HMOX1: variants seen among roughly 807,000 people sequenced by gnomAD.
The protein encoded by HMOX1 is heme oxygenase 1.
In HMOX1, 22 loss-of-function variants were observed where a neutral mutation model predicts 27.8. That is an observed-to-expected ratio of 0.79 (90% CI 0.57 to 1.13). The LOEUF is 1.13. HMOX1 is among the 50% of genes most tolerant of loss of function. The probability of loss-of-function intolerance (pLI) is 0.00; values close to 1 mark genes in which losing one functional copy is unlikely to be tolerated. For missense variants in HMOX1, 379 were observed against 377.7 expected, an observed-to-expected ratio of 1.00 and a Z score of -0.03; for synonymous variants, 153 against 151.6, an observed-to-expected ratio of 1.01 and a Z score of -0.07.
chr22:35,383,309 G>A, intron 2 of HMOX1, 83 bp downstream of exon 2: 34 of 1,453,390 alleles, frequency 2.3e-5, no homozygotes, highest in Non-Finnish European at 3.2e-5. Context: ...GGTTTAAGTG[G>A]GGATGCTGAG....
intron 2 of HMOX1, among the ~76,000 whole-genome samples, chr22:35,385,314 C>T (rs1437452041): frequency 1.3e-5 from 2 of 152,160 alleles, no homozygotes; most frequent in Non-Finnish European, 2.9e-5. Context: ...GGGTCCCTGG[C>T]AATGCCCGGT....
intron 3 of HMOX1, among the ~76,000 whole-genome samples, chr22:35,389,309 TTCTTTCTTTC>T: frequency 7.7e-6 from 1 of 130,292 alleles, no homozygotes; most frequent in African/African-American, 3.8e-5. Context: ...CTTTCTTTCT[TTCTTTCTTTC>T]TTCTTTCTTT....
chr22:35,382,031 A>G (rs1288729943), intron 1 of HMOX1, among the ~76,000 whole-genome samples: 1 of 152,346 alleles, frequency 6.6e-6, no homozygotes, highest in East Asian at 1.9e-4. Context: ...CGCCTTCATG[A>G]TGAGCATAAC....
In HMOX1 at chr22:35,386,978, G is replaced by A; in HGVS notation, c.438G>A (p.Val146=). The change falls in exon 3 of 5, where the codon GTG becomes GTA. Residue 146 remains valine (V), a synonymous_variant. Transcript: ENST00000216117. The stretch of plus-strand genomic sequence containing the variant: ...TGGGTGACCTGTCTGGGGGCCAGGT[G>A]CTCAAAAAGATTGCCCAGAAAGCCC... ...RYLGDLSGGQ[V]LKKIAQKALD... is the part of the protein sequence containing the mutation. 6.2e-7 allele frequency: 1 copy of A among 1,614,014 alleles called. No individual in the cohort carries two copies. Among genetic ancestry groups the A allele is most frequent in the Non-Finnish European group, 8.5e-7 (1 of 1,180,036 alleles).
intron 3 of HMOX1, among the ~76,000 whole-genome samples, chr22:35,387,614 G>A (rs1194964411): frequency 6.6e-6 from 1 of 152,240 alleles, no homozygotes; most frequent in East Asian, 1.9e-4. Flanking sequence ...CTGCCTTCCA[G>A]GGACTCTCAG....
rs369019087 is a variant in HMOX1 at position 35,386,773 on chromosome 22, A to T, written c.233A>T (p.Tyr78Phe). 3 of 1,614,056 alleles carry T rather than the reference A, an allele frequency of 1.9e-6. No homozygotes were observed. The African/African-American group carries it at 4.0e-5, about 22-fold the overall frequency. Reference protein sequence around the residue: ...NKESPVFAPVYFPEELHRKAA... With the variant: ...NKESPVFAPVFFPEELHRKAA... ...GAGAGCCCAGTCTTCGCCCCTGTCTACTTCCCAGAAGAGCTGCACCGCAAG... is the reference window on the plus strand; with the variant it reads ...GAGAGCCCAGTCTTCGCCCCTGTCTTCTTCCCAGAAGAGCTGCACCGCAAG... The change falls in exon 3 of 5, where the codon TAC becomes TTC. Residue 78 changes from tyrosine to phenylalanine, a missense_variant. Transcript: ENST00000216117.
Position 35,386,910 on chromosome 22 carries a change from A to C in HMOX1, c.370A>C (p.Thr124Pro), listed in dbSNP as rs200456582. 1.5e-4 allele frequency: 238 copies of C among 1,613,888 alleles called. No individual in the cohort carries two copies. Among genetic ancestry groups the C allele is most frequent in the Non-Finnish European group, 2.0e-4 (233 of 1,179,994 alleles). Residue 124 changes from threonine to proline, a missense_variant, in exon 3 of 5, where the codon ACA (threonine) becomes CCA (proline). By Grantham distance (38) the Thr-to-Pro change is conservative. Transcript: ENST00000216117. ...YVKRLHEVGR[T>P]EPELLVAHAY... ...GAAGCGGCTCCACGAGGTGGGGCGC[A>C]CAGAGCCCGAGCTGCTGGTGGCCCA...
At chr22:35,391,076 T>C (rs1931705771) in intron 4 of HMOX1, among the ~76,000 whole-genome samples, 1 of 152,132 alleles carries the variant, frequency 6.6e-6, no homozygotes, top group Non-Finnish European at 1.5e-5. Context: ...CCTACCTGGC[T>C]TGTGGCTTTC....
chr22:35,389,395 C>CCTTCCTTCCTTCCTTTCTTTCTTT (rs1555901604), intron 3 of HMOX1, among the ~76,000 whole-genome samples: 6 of 51,810 alleles, frequency 1.2e-4, no homozygotes, highest in Non-Finnish European at 1.4e-4. Flanking sequence ...TTCCTTCCTT[C>CCTTCCTTCCTTCCTTTCTTTCTTT]CTTTCTTTCT....
At position 35,393,481 on chromosome 22, in the gene HMOX1, G is replaced by A. The variant is rs1330206237; in HGVS notation, c.750G>A (p.Val250=). ...TTTCTCTTTCAGATTCTGCCCCCGT[G>A]GAGACTCCCAGAGGGAAGCCCCCAC... ...ASNKVQDSAP[V]ETPRGKPPLN... The change falls in exon 5 of 5, where the codon GTG becomes GTA. Residue 250 remains valine (V), a synonymous_variant. Coordinates refer to ENST00000216117, the MANE Select transcript of HMOX1 (RefSeq NM_002133.3). 1 of 1,614,032 alleles carries A rather than the reference G, an allele frequency of 6.2e-7. No individual in the cohort carries two copies. The highest frequency in any genetic ancestry group is 8.5e-7 in the Non-Finnish European group (1 of 1,180,018).
rs764232156 is a variant in HMOX1 at position 35,389,215 on chromosome 22, C to CTCTTTCTT, written c.637-631_637-624dup. Among the ~76,000 whole-genome samples, 622 of 112,244 alleles carry CTCTTTCTT rather than the reference C, an allele frequency of 5.5e-3. 53 individuals carry two copies. Among genetic ancestry groups the CTCTTTCTT allele is most frequent in the African/African-American group, 0.013 (262 of 19,578 alleles). The allele number at this position is 112,244 out of a possible 152,430, so 73.6% of individuals were successfully genotyped here. ...TTTCTTTCTTTCTTTCTTTCTTTCT[C>CTCTTTCTT]TCTTTCTTTCTTTCTTTCTTTCTTT... On this transcript the variant is annotated intron_variant, in intron 3 of 4. Coordinates refer to ENST00000216117, the MANE Select transcript of HMOX1 (RefSeq NM_002133.3).
At chr22:35,385,997 C>T (rs941415285) in intron 2 of HMOX1, among the ~76,000 whole-genome samples, 1 of 151,276 alleles carries the variant, frequency 6.6e-6, no homozygotes. Context: ...GCTGTGTTGC[C>T]CAGGCTGGAG....
At position 35,393,714 on chromosome 22, in the gene HMOX1, C is replaced by A; in HGVS notation, c.*116C>A. The A allele has an allele frequency of 8.3e-7, 1 of 1,197,678 alleles. No individual in the cohort carries two copies. Among genetic ancestry groups the A allele is most frequent in the Non-Finnish European group, 1.2e-6 (1 of 807,338 alleles). The allele number at this position is 1,197,678 out of a possible 1,614,324, so 74.2% of individuals were successfully genotyped here. A position where few individuals can be genotyped will look rare whatever the true frequency, so the allele number is the denominator to read the frequency against. On this transcript the variant is annotated 3_prime_UTR_variant, in exon 5 of 5. Coordinates refer to ENST00000216117, the MANE Select transcript of HMOX1 (RefSeq NM_002133.3). ...CGTGGGCACTGAAGGCTTTCAGGGC[C>A]TCCAGCCCTCTCACTGTGTCCCTCT...
rs1469075709 is a variant in HMOX1, at chr22:35,390,002, A to C, written c.736+39A>C. ...GGAAGGGGCACTTCCTCTGGGCTACACATGGAGGGACTTGGCTGTCTGACT... is the reference window on the plus strand; with the variant it reads ...GGAAGGGGCACTTCCTCTGGGCTACCCATGGAGGGACTTGGCTGTCTGACT... On this transcript the variant is annotated intron_variant, in intron 4 of 4. Coordinates refer to ENST00000216117, the MANE Select transcript of HMOX1 (RefSeq NM_002133.3). 2.3e-6 allele frequency: 3 copies of C among 1,329,126 alleles called. No individual in the cohort carries two copies. In the African/African-American group the frequency reaches 4.3e-5, roughly 19 times the overall value. The allele number at this position is 1,329,126 out of a possible 1,614,324, so 82.3% of individuals were successfully genotyped here.
intron 2 of HMOX1, among the ~76,000 whole-genome samples, chr22:35,385,767 C>T (rs897319108): frequency 6.6e-6 from 1 of 151,666 alleles, no homozygotes; most frequent in Non-Finnish European, 1.5e-5. Context: ...AGGTGCCTGC[C>T]ACCATGCCTG....
At chr22:35,393,095 T>C (rs1931762800) in intron 4 of HMOX1, among the ~76,000 whole-genome samples, 1 of 152,184 alleles carries the variant, frequency 6.6e-6, no homozygotes, top group Admixed American at 6.5e-5. Context: ...TCCTGCCCCA[T>C]CATCACCATG....
At chr22:35,388,604 G>A (rs113768971) in intron 3 of HMOX1, among the ~76,000 whole-genome samples, 196 of 151,456 alleles carry the variant, frequency 1.3e-3, no homozygotes, top group Non-Finnish European at 2.0e-3. Context: ...TGACTAACAC[G>A]GTGAAACCCC....
At chr22:35,382,663 C>G (rs1291874452) in intron 1 of HMOX1, among the ~76,000 whole-genome samples, 12 of 145,650 alleles carry the variant, frequency 8.2e-5, no homozygotes, top group Admixed American at 7.6e-4. Context: ...ATGCCTGGCC[C>G]TTTTTTTCTT....
intron 3 of HMOX1, among the ~76,000 whole-genome samples, chr22:35,389,272 C>G (rs1269576984): frequency 3.5e-5 from 4 of 113,894 alleles, no homozygotes; most frequent in Admixed American, 1.7e-4. Flanking sequence ...CTCTCTCTCT[C>G]TCCTCTCTCT....
Sources: allele counts gnomAD v4.1 joint callset (sites outside exome capture counted in the v4.1 genomes callset), GRCh38; gene constraint gnomAD v4.1.1; transcripts MANE v1.5; gene names NCBI Gene and HGNC (gene_info 2026-07-23, HGNC 2026-07-21).